SLC16A7: variants seen among roughly 807,000 people sequenced by gnomAD.
SLC16A7 encodes solute carrier family 16 member 7.
Under a neutral mutation model 34.9 loss-of-function variants are expected in SLC16A7, and 33 were observed. The observed-to-expected ratio is 0.94, with a 90% CI of 0.72 to 1.26. The LOEUF (loss-of-function observed/expected upper bound fraction) is 1.26. Among genes scored for constraint, SLC16A7 ranks in the 50% most tolerant of loss-of-function variants. The pLI is 0.00. For missense variants in SLC16A7, 573 were observed against 578.1 expected (o/e 0.99, Z 0.09); for synonymous variants, 201 against 206.6 (o/e 0.97, Z 0.23).
At chr12:59,622,863 G>A (rs774608434) in intron 1 of SLC16A7, among the ~76,000 whole-genome samples, 24 of 151,632 alleles carry the variant, frequency 1.6e-4, no homozygotes, top group Admixed American at 3.3e-4. Flanking sequence ...GCATCATGTC[G>A]CTATGGACTA....
At chr12:59,730,782 A>G (rs571235064) in intron 3 of SLC16A7, among the ~76,000 whole-genome samples, 12 of 152,320 alleles carry the variant, frequency 7.9e-5, no homozygotes, top group African/African-American at 2.4e-4. Context: ...ATGGCCCAGT[A>G]CTATTTTCCT....
intron 2 of SLC16A7, among the ~76,000 whole-genome samples, chr12:59,669,366 T>G (rs920732839): frequency 6.6e-6 from 1 of 152,176 alleles, no homozygotes; most frequent in Non-Finnish European, 1.5e-5. Context: ...TGTGGTTTTT[T>G]AAAGTGGGGT....
chr12:59,703,318 A>T (rs577535425), intron 2 of SLC16A7, among the ~76,000 whole-genome samples: 57 of 152,232 alleles, frequency 3.7e-4, no homozygotes, highest in African/African-American at 1.3e-3. Context: ...AACAATTTTT[A>T]AAATTTGTTT....
intron 1 of SLC16A7, among the ~76,000 whole-genome samples, chr12:59,607,858 A>G (rs1443452809): frequency 6.6e-6 from 1 of 152,206 alleles, no homozygotes; most frequent in South Asian, 2.1e-4. Flanking sequence ...AATAATTGAC[A>G]TAAGTCTACA....
At chr12:59,726,789 C>T (rs1876298856) in intron 3 of SLC16A7, among the ~76,000 whole-genome samples, 1 of 151,908 alleles carries the variant, frequency 6.6e-6, no homozygotes, top group South Asian at 2.1e-4. Flanking sequence ...CAACTAAGCC[C>T]CTCCAGAAAC....
chr12:59,686,411 T>C (rs1423463567), intron 2 of SLC16A7, among the ~76,000 whole-genome samples: 2 of 152,096 alleles, frequency 1.3e-5, no homozygotes, highest in East Asian at 1.9e-4. Context: ...TACAACACTT[T>C]AGTGACATTT....
intron 3 of SLC16A7, among the ~76,000 whole-genome samples, chr12:59,705,532 T>C (rs1873467705): frequency 6.6e-6 from 1 of 152,192 alleles, no homozygotes; most frequent in South Asian, 2.1e-4. Context: ...TAAGGCTCAT[T>C]AAATAGGACA....
rs113637910 is a variant in SLC16A7, at chr12:59,739,149, C to T, written c.218-32070C>T. On this transcript the variant is annotated intron_variant, in intron 3 of 5. Transcript: ENST00000547379. ...TGCTGGTGTGCTACACCCATTAACT[C>T]GTCATTTAGCATTAGGTATATCTCC... Among the ~76,000 whole-genome samples the T allele has an allele frequency of 1.1e-3, 169 of 150,006 alleles. 2 individuals are homozygous for T. The highest frequency in any genetic ancestry group is 4.1e-3 in the African/African-American group (165 of 40,730).
intron 3 of SLC16A7, among the ~76,000 whole-genome samples, chr12:59,757,687 C>T (rs1030669938): frequency 1.3e-5 from 2 of 152,140 alleles, no homozygotes; most frequent in African/African-American, 4.8e-5. Context: ...TCCACCTCCT[C>T]CACCTCTTCC....
chr12:59,696,798 A>T (rs531443629), intron 2 of SLC16A7, among the ~76,000 whole-genome samples: 4 of 152,070 alleles, frequency 2.6e-5, no homozygotes, highest in African/African-American at 9.6e-5. Flanking sequence ...AAGAGATCAT[A>T]AGATGTCATT....
At position 59,625,782 on chromosome 12, in the gene SLC16A7, A is replaced by G. The variant is rs184870774; in HGVS notation, c.-129-29370A>G. ...CATGTCTACCTAGGTATGTGCATTC[A>G]GCACCATTGAGAAGCAAATTGAGGG... On this transcript the variant is annotated intron_variant, in intron 1 of 5. Transcript: ENST00000547379. 2.1e-3 allele frequency among the ~76,000 whole-genome samples: 317 copies of G among 151,996 alleles called. 1 individual carries two copies. Among genetic ancestry groups the G allele is most frequent in the Middle Eastern group, 0.017 (5 of 294 alleles).
At chr12:59,608,873 A>C (rs1373002056) in intron 1 of SLC16A7, among the ~76,000 whole-genome samples, 1 of 152,222 alleles carries the variant, frequency 6.6e-6, no homozygotes, top group South Asian at 2.1e-4. Flanking sequence ...ACTTCTAAAA[A>C]AAGTGTCACC....
rs142762229 is a variant in SLC16A7, at chr12:59,682,981, A to C, written c.-30-21791A>C. ...CTCAGGAGGCTGAGGCAGGAGAATC[A>C]CTTGAACCTGGGAGGCGGAGGATGC... On this transcript the variant is annotated intron_variant, in intron 2 of 5. Transcript: ENST00000547379. Among the ~76,000 whole-genome samples the C allele has an allele frequency of 8.3e-3, 1,270 of 152,118 alleles. 15 individuals carry two copies. The highest frequency in any genetic ancestry group is 0.029 in the African/African-American group (1,223 of 41,496).
chr12:59,653,918 A>G (rs1323379581), intron 1 of SLC16A7, among the ~76,000 whole-genome samples: 2 of 151,674 alleles, frequency 1.3e-5, no homozygotes, highest in African/African-American at 4.8e-5. Flanking sequence ...ACTACTGTAG[A>G]ACAATCTAAT....
intron 3 of SLC16A7, among the ~76,000 whole-genome samples, chr12:59,754,237 G>A (rs1048113308): frequency 1.3e-5 from 2 of 151,928 alleles, no homozygotes; most frequent in African/African-American, 4.8e-5. Flanking sequence ...GCTAGGAGAA[G>A]GCAAGAAATA....
At chr12:59,740,987 A>G (rs560092484) in intron 3 of SLC16A7, among the ~76,000 whole-genome samples, 1 of 152,214 alleles carries the variant, frequency 6.6e-6, no homozygotes, top group Non-Finnish European at 1.5e-5. Context: ...TAAAATACCT[A>G]GGAATCCAAT....
chr12:59,658,510 A>G (rs1868654229), intron 2 of SLC16A7, among the ~76,000 whole-genome samples: 1 of 152,064 alleles, frequency 6.6e-6, no homozygotes, highest in Admixed American at 6.6e-5. Flanking sequence ...GACCAAAAAA[A>G]TCACTGCTGT....
chr12:59,658,613 A>G (rs1344086578), intron 2 of SLC16A7, among the ~76,000 whole-genome samples: 1 of 152,126 alleles, frequency 6.6e-6, no homozygotes, highest in East Asian at 1.9e-4. Flanking sequence ...AACTGCATCA[A>G]GAAATCAGTA....
At chr12:59,680,969 A>G (rs1366100054) in intron 2 of SLC16A7, among the ~76,000 whole-genome samples, 1 of 152,192 alleles carries the variant, frequency 6.6e-6, no homozygotes, top group Non-Finnish European at 1.5e-5. Context: ...ACCATTGATA[A>G]TGCCCTCAAT....
Sources: gnomAD v4.1 joint callset for allele counts (sites outside exome capture counted in the v4.1 genomes callset) on GRCh38, gnomAD v4.1.1 for gene constraint, MANE v1.5 for transcripts, NCBI Gene and HGNC (gene_info 2026-07-23, HGNC 2026-07-21) for gene names.